GRAMD1B: variants seen among roughly 807,000 people sequenced by gnomAD.
GRAMD1B encodes the protein protein Aster-B.
In GRAMD1B, 37 loss-of-function variants were observed where a neutral mutation model predicts 99.7. The ratio of observed to expected loss-of-function variants is 0.37; its 90% CI spans 0.29 to 0.49. The LOEUF is 0.49. Ranked by LOEUF, GRAMD1B falls within the 20% of genes least tolerant of loss-of-function variation. GRAMD1B has a pLI of 0.98. For synonymous variants in GRAMD1B, 427 were observed against 387.6 expected (o/e 1.10, Z -1.19); for missense variants, 888 against 1,009.2 (o/e 0.88, Z 1.63).
intron 1 of GRAMD1B, among the ~76,000 whole-genome samples, chr11:123,477,510 CA>C (rs146891347): frequency 3.3e-4 from 50 of 151,824 alleles, no homozygotes; most frequent in African/African-American, 1.2e-3. Flanking sequence ...GGTGCCAAGG[CA>C]AAGTCATTCC....
intron 2 of GRAMD1B, among the ~76,000 whole-genome samples, chr11:123,570,976 G>T (rs976024851): frequency 9.9e-5 from 15 of 152,160 alleles, no homozygotes; most frequent in Non-Finnish European, 2.1e-4. Flanking sequence ...GTGTGGGGAG[G>T]GGGGCTGACA....
chr11:123,493,127 C>T (rs1029420980), intron 2 of GRAMD1B, among the ~76,000 whole-genome samples: 11 of 152,138 alleles, frequency 7.2e-5, no homozygotes, highest in South Asian at 2.1e-4. Flanking sequence ...GTAATGGCTG[C>T]GGGGAACTCA....
chr11:123,376,564 G>A (rs1446595933), intron 1 of GRAMD1B, among the ~76,000 whole-genome samples: 1 of 152,186 alleles, frequency 6.6e-6, no homozygotes, highest in Non-Finnish European at 1.5e-5. Context: ...GGATTCAAGA[G>A]ACTTGAGAAT....
At position 123,603,500 on chromosome 11, in the gene GRAMD1B, C is replaced by T. The variant is rs540274635; in HGVS notation, c.1125C>T (p.Asp375=). 40 of 1,613,466 alleles carry T rather than the reference C, an allele frequency of 2.5e-5. No individual in the cohort carries two copies. In the Admixed American group the frequency reaches 3.8e-4, roughly 15 times the overall value. The change falls in exon 9 of 20, where the codon GAC becomes GAT. Residue 375 remains aspartate, a synonymous_variant. Coordinates refer to ENST00000635736, the MANE Select transcript of GRAMD1B (RefSeq NM_001387025.1). ...ACGAATTGGGCCTGACCAGTGATGA[C>T]GAGGACTACGTGCCCCCTGACGACG... ...YGNELGLTSD[D]EDYVPPDDDF...
At chr11:123,448,116 G>A (rs1451473685) in intron 1 of GRAMD1B, among the ~76,000 whole-genome samples, 2 of 152,092 alleles carry the variant, frequency 1.3e-5, no homozygotes, top group African/African-American at 4.8e-5. Context: ...CAATCCTCTT[G>A]CCTTGGCCTC....
chr11:123,518,926 C>T (rs968232982), intron 2 of GRAMD1B, among the ~76,000 whole-genome samples: 6 of 152,116 alleles, frequency 3.9e-5, no homozygotes, highest in South Asian at 2.1e-4. Flanking sequence ...AGAAGCCTGG[C>T]GGGAGGTGAT....
At chr11:123,534,613 A>G (rs962260682) in intron 2 of GRAMD1B, among the ~76,000 whole-genome samples, 1 of 152,166 alleles carries the variant, frequency 6.6e-6, no homozygotes, top group Non-Finnish European at 1.5e-5. Flanking sequence ...TTGTAATCCC[A>G]GCACTTTGGG....
intron 14 of GRAMD1B, among the ~76,000 whole-genome samples, chr11:123,612,026 C>G (rs1423310859): frequency 6.6e-6 from 1 of 151,838 alleles, no homozygotes; most frequent in Non-Finnish European, 1.5e-5. Context: ...TGGAAAAGAG[C>G]AAGAGCTGGT....
At chr11:123,586,113 G>A (rs536570613) in intron 4 of GRAMD1B, among the ~76,000 whole-genome samples, 1 of 151,824 alleles carries the variant, frequency 6.6e-6, no homozygotes, top group Non-Finnish European at 1.5e-5. Flanking sequence ...CTTAGCCTCC[G>A]CCTGAGTACT....
intron 2 of GRAMD1B, among the ~76,000 whole-genome samples, chr11:123,508,626 G>T (rs1333321284): frequency 6.6e-6 from 1 of 152,072 alleles, no homozygotes; most frequent in East Asian, 1.9e-4. Context: ...ACCTGATTGA[G>T]TTGCTTGGTT....
Position 123,577,494 on chromosome 11 carries a change from G to T in GRAMD1B, c.580G>T (p.Asp194Tyr). ...GGAGAAGGGCTCAGATCACTCCTCG[G>T]ACAAGTCCCCGTCCACACCGGAGCA... Reference protein sequence around the residue: ...MVEKGSDHSSDKSPSTPEQGV... With the variant: ...MVEKGSDHSSYKSPSTPEQGV... Residue 194 changes from aspartate (D) to tyrosine (Y), a missense_variant, in exon 3 of 20, where the codon GAC becomes TAC. This residue lies in a region of GRAMD1B where 233 missense variants were observed against 154.6 expected (regional missense o/e 1.51). Coordinates refer to ENST00000635736, the MANE Select transcript of GRAMD1B (RefSeq NM_001387025.1). 6.2e-7 allele frequency: 1 copy of T among 1,603,434 alleles called. No homozygotes were observed. The highest frequency in any genetic ancestry group is 8.5e-7 in the Non-Finnish European group (1 of 1,175,328).
At chr11:123,519,307 G>T (rs1453170155) in intron 2 of GRAMD1B, among the ~76,000 whole-genome samples, 1 of 152,230 alleles carries the variant, frequency 6.6e-6, no homozygotes, top group Non-Finnish European at 1.5e-5. Context: ...CCAAGGGAGG[G>T]AGAGGACAGG....
chr11:123,389,742 A>G (rs530071310), intron 1 of GRAMD1B, among the ~76,000 whole-genome samples: 4 of 151,948 alleles, frequency 2.6e-5, no homozygotes, highest in Admixed American at 1.3e-4. Context: ...TATCTTCACA[A>G]CTTTTTTCTA....
At chr11:123,415,507 G>T (rs541007945) in intron 1 of GRAMD1B, among the ~76,000 whole-genome samples, 1 of 151,642 alleles carries the variant, frequency 6.6e-6, no homozygotes, top group South Asian at 2.1e-4. Context: ...GAGCCAGGGG[G>T]TGCTTGGTCT....
intron 1 of GRAMD1B, among the ~76,000 whole-genome samples, chr11:123,422,728 C>T (rs1218890804): frequency 6.6e-6 from 1 of 152,216 alleles, no homozygotes; most frequent in Non-Finnish European, 1.5e-5. Flanking sequence ...CTCAATGCCT[C>T]TGCACATGTG....
intron 1 of GRAMD1B, among the ~76,000 whole-genome samples, chr11:123,404,883 A>AG (rs1947800325): frequency 6.6e-6 from 1 of 152,162 alleles, no homozygotes. Flanking sequence ...GCCTGTTGTC[A>AG]GGGGGTCGTG....
intron 1 of GRAMD1B, among the ~76,000 whole-genome samples, chr11:123,463,412 G>A (rs956310206): frequency 1.3e-5 from 2 of 152,254 alleles, no homozygotes; most frequent in African/African-American, 4.8e-5. Flanking sequence ...GCACTTTGTA[G>A]ATGGGGAAGA....
chr11:123,455,559 A>G (rs2134411230), intron 1 of GRAMD1B, among the ~76,000 whole-genome samples: 1 of 152,304 alleles, frequency 6.6e-6, no homozygotes, highest in African/African-American at 2.4e-5. Flanking sequence ...CTCACCATGC[A>G]ATACGGCATA....
Position 123,591,267 on chromosome 11 carries a change from C to A in GRAMD1B, c.685-2815C>A, listed in dbSNP as rs929756940. The A allele has an allele frequency of 5.0e-6, 2 of 396,844 alleles. No homozygotes were observed. The highest frequency in any genetic ancestry group is 8.8e-5 in the Admixed American group (2 of 22,688). 24.6% of individuals were successfully genotyped at this position (396,844 alleles called of 1,614,324 possible). On this transcript the variant is annotated intron_variant, in intron 4 of 19. Transcript: ENST00000635736. The surrounding 1 kb of genome is among the most constrained non-coding windows in gnomAD (Gnocchi z 4.7). ...CTGTCAGAGTCACACAGGCCCTCTG[C>A]TGAGAAACCAGAGGCCACCCATCCA... is the stretch of plus-strand genomic sequence containing the variant.
Sources: allele counts gnomAD v4.1 joint callset (sites outside exome capture counted in the v4.1 genomes callset), GRCh38; gene constraint gnomAD v4.1.1; regional missense constraint gnomAD v4.1.1; non-coding constraint Gnocchi (gnomAD v3.1); transcripts MANE v1.5; gene names NCBI Gene and HGNC (gene_info 2026-07-23, HGNC 2026-07-21).